Variants in OPCML observed in about 807,000 individuals in gnomAD.
OPCML encodes the protein opioid binding protein/cell adhesion molecule like.
A neutral mutation model predicts 37.8 loss-of-function variants in OPCML; 13 were observed. That is an observed-to-expected ratio of 0.34 (90% CI 0.22 to 0.55). The LOEUF (loss-of-function observed/expected upper bound fraction) is 0.55. OPCML is among the 20% of genes least tolerant of loss of function. OPCML has a pLI of 0.91. For synonymous variants in OPCML, 176 were observed against 168.8 expected, an observed-to-expected ratio of 1.04 and a Z score of -0.33; for missense variants, 341 against 435.6, an observed-to-expected ratio of 0.78 and a Z score of 1.93.
chr11:133,054,481 A>C lies in OPCML; in HGVS notation c.62-111471T>G, dbSNP rs146426308. Among the ~76,000 whole-genome samples the C allele has an allele frequency of 3.2e-3, 493 of 152,276 alleles. 2 individuals carry two copies. Among genetic ancestry groups the C allele is most frequent in the African/African-American group, 0.011 (464 of 41,554 alleles). ...GCTCAGAGCTTTTGTTGCTGCTGTTACTTTTGCCTGGAACACTGCTCTCCC... is the reference window on the plus strand; with the variant it reads ...GCTCAGAGCTTTTGTTGCTGCTGTTCCTTTTGCCTGGAACACTGCTCTCCC... On this transcript the variant is annotated intron_variant, in intron 1 of 7. Transcript: ENST00000524381.
chr11:133,267,138 A>G (rs1278623806), intron 1 of OPCML, among the ~76,000 whole-genome samples: 4 of 152,208 alleles, frequency 2.6e-5, no homozygotes, highest in African/African-American at 9.7e-5. Context: ...TGTGTTGGAA[A>G]GAGTGTACAT....
intron 1 of OPCML, among the ~76,000 whole-genome samples, chr11:133,504,534 A>G (rs540826309): frequency 6.6e-6 from 1 of 152,210 alleles, no homozygotes; most frequent in Non-Finnish European, 1.5e-5. Flanking sequence ...CCCCGCTTCC[A>G]TAACAGACTT....
At chr11:133,139,031 T>G (rs1949731978) in intron 1 of OPCML, among the ~76,000 whole-genome samples, 2 of 152,216 alleles carry the variant, frequency 1.3e-5, no homozygotes, top group African/African-American at 4.8e-5. Flanking sequence ...TTTCAAAGTA[T>G]TTGTTGACTA....
chr11:133,059,447 A>G (rs1948300098), intron 1 of OPCML, among the ~76,000 whole-genome samples: 1 of 152,214 alleles, frequency 6.6e-6, no homozygotes. Flanking sequence ...GTGGTGGGTA[A>G]GATGGCAGGA....
intron 4 of OPCML, among the ~76,000 whole-genome samples, chr11:132,492,633 T>A (rs2096219617): frequency 6.6e-6 from 1 of 152,142 alleles, no homozygotes. Flanking sequence ...CCAGTTTGGC[T>A]TCCTGTAGAT....
intron 1 of OPCML, among the ~76,000 whole-genome samples, chr11:133,492,709 T>G (rs1947692017): frequency 8.1e-6 from 1 of 122,712 alleles, no homozygotes; most frequent in African/African-American, 4.0e-5. Flanking sequence ...AGGCAATTAC[T>G]GCCAAAAAAA....
At chr11:133,334,000 T>C (rs568738624) in intron 1 of OPCML, among the ~76,000 whole-genome samples, 1 of 152,308 alleles carries the variant, frequency 6.6e-6, no homozygotes, top group African/African-American at 2.4e-5. Flanking sequence ...TAACAGATGC[T>C]GGTGAGGTTG....
intron 1 of OPCML, among the ~76,000 whole-genome samples, chr11:133,167,760 C>T: frequency 6.6e-6 from 1 of 152,166 alleles, no homozygotes; most frequent in East Asian, 1.9e-4. Flanking sequence ...TTCACTCCAA[C>T]ACAACTTGTC....
intron 1 of OPCML, among the ~76,000 whole-genome samples, chr11:133,138,463 C>T (rs1949723938): frequency 6.6e-6 from 1 of 152,192 alleles, no homozygotes; most frequent in Non-Finnish European, 1.5e-5. Context: ...ATATATAGAT[C>T]TCCTCTATGG....
chr11:132,859,218 T>G (rs999478325), intron 2 of OPCML: 1 of 151,568 alleles, frequency 6.6e-6, no homozygotes, highest in South Asian at 2.1e-4. Context: ...AAGGAAGGAG[T>G]GGACGGTGCA....
At chr11:132,661,741 A>G (rs1318664679) in intron 2 of OPCML, among the ~76,000 whole-genome samples, 1 of 152,240 alleles carries the variant, frequency 6.6e-6, no homozygotes, top group East Asian at 1.9e-4. Flanking sequence ...TTACAACTAC[A>G]TCACAAGTAA....
At chr11:132,522,252 A>G (rs979672921) in intron 4 of OPCML, among the ~76,000 whole-genome samples, 1 of 152,200 alleles carries the variant, frequency 6.6e-6, no homozygotes. Flanking sequence ...CTTTTTGCCT[A>G]TCACAAATAA....
intron 2 of OPCML, among the ~76,000 whole-genome samples, chr11:132,939,689 T>C (rs1178820812): frequency 6.6e-6 from 1 of 152,172 alleles, no homozygotes; most frequent in Non-Finnish European, 1.5e-5. Context: ...CTGGCCATCA[T>C]CCATTCTGCT....
intron 4 of OPCML, among the ~76,000 whole-genome samples, chr11:132,475,304 G>A (rs915232877): frequency 3.9e-5 from 6 of 152,126 alleles, no homozygotes; most frequent in East Asian, 1.9e-4. Flanking sequence ...GGAGTTATTC[G>A]GAGCGATTTT....
intron 1 of OPCML, among the ~76,000 whole-genome samples, chr11:133,110,967 G>A (rs1005763776): frequency 1.1e-4 from 16 of 152,160 alleles, no homozygotes; most frequent in African/African-American, 3.4e-4. Flanking sequence ...CATCTGTAAG[G>A]TGGGAATGAT....
At chr11:133,010,445 A>C (rs1947193514) in intron 1 of OPCML, among the ~76,000 whole-genome samples, 1 of 152,362 alleles carries the variant, frequency 6.6e-6, no homozygotes, top group African/African-American at 2.4e-5. Flanking sequence ...GAGTCTTCAG[A>C]TATTTAAAGC....
chr11:133,380,199 C>T (rs1012377278), intron 1 of OPCML, among the ~76,000 whole-genome samples: 20 of 151,950 alleles, frequency 1.3e-4, no homozygotes, highest in African/African-American at 2.2e-4. Flanking sequence ...AGAGAGGATG[C>T]GGTGAATTCA....
At chr11:132,818,998 A>G (rs891572113) in intron 2 of OPCML, among the ~76,000 whole-genome samples, 2 of 150,852 alleles carry the variant, frequency 1.3e-5, no homozygotes, top group African/African-American at 4.9e-5. Flanking sequence ...AGGATGAAGT[A>G]AAGTTACAAA....
chr11:132,476,649 A>T (rs1208290762), intron 4 of OPCML, among the ~76,000 whole-genome samples: 2 of 152,098 alleles, frequency 1.3e-5, no homozygotes, highest in African/African-American at 4.8e-5. Flanking sequence ...ATGAGAACTC[A>T]TGGACACAGG....
Sources: allele counts gnomAD v4.1 joint callset (sites outside exome capture counted in the v4.1 genomes callset), GRCh38; gene constraint gnomAD v4.1.1; transcripts MANE v1.5; gene names NCBI Gene and HGNC (gene_info 2026-07-23, HGNC 2026-07-21).